Variants in LEPROTL1 observed in about 807,000 individuals in gnomAD.
LEPROTL1 encodes leptin receptor overlapping transcript like 1.
LEPROTL1 carries 6 observed loss-of-function variants against 15.4 expected under a neutral mutation model. The ratio of observed to expected loss-of-function variants is 0.39; its 90% CI spans 0.21 to 0.77. LEPROTL1 has a LOEUF of 0.77. LEPROTL1 is among the 30% of genes least tolerant of loss of function. LEPROTL1 has a pLI of 0.41. For synonymous variants in LEPROTL1, 56 were observed against 52.6 expected (o/e 1.06, Z -0.28); for missense variants, 128 against 158.1 (o/e 0.81, Z 1.02).
intron 3 of LEPROTL1, among the ~76,000 whole-genome samples, chr8:30,127,078 A>G (rs1190061507): frequency 6.6e-6 from 1 of 152,100 alleles, no homozygotes; most frequent in Non-Finnish European, 1.5e-5. Flanking sequence ...ATGCTGACAG[A>G]TGACCTGAGT....
intron 4 of LEPROTL1, among the ~76,000 whole-genome samples, chr8:30,136,583 C>T (rs1803144663): frequency 6.6e-6 from 1 of 152,190 alleles, no homozygotes; most frequent in African/African-American, 2.4e-5. Context: ...CTTGCTCTCC[C>T]AGCCCCATCA....
chr8:30,130,041 C>T (rs1161404283), intron 3 of LEPROTL1, among the ~76,000 whole-genome samples: 4 of 152,144 alleles, frequency 2.6e-5, no homozygotes. Context: ...CGCCTCCCAC[C>T]AGGCCCCTCT....
At chr8:30,120,869 C>G (rs1293880181) in intron 3 of LEPROTL1, among the ~76,000 whole-genome samples, 1 of 152,138 alleles carries the variant, frequency 6.6e-6, no homozygotes, top group African/African-American at 2.4e-5. Context: ...GGCTGAAATA[C>G]CATCTTAAAT....
chr8:30,113,412 C>G (rs1456319613), downstream of LEPROTL1, among the ~76,000 whole-genome samples: 2 of 152,096 alleles, frequency 1.3e-5, no homozygotes, highest in African/African-American at 4.8e-5. Context: ...AAACTGCAGC[C>G]TAAAATGCTG....
rs914802811 is a variant in LEPROTL1 at position 30,106,429 on chromosome 8, A to G, written c.*567A>G. ...GCTGCATTTATACCTCAGAGGGGCC[A>G]AGTGTTAATGCCCATGCCCTCCGTT... On this transcript the variant is annotated 3_prime_UTR_variant, in exon 4 of 4. Coordinates refer to ENST00000321250, the MANE Select transcript of LEPROTL1 (RefSeq NM_015344.3). 1.0e-6 allele frequency: 1 copy of G among 985,700 alleles called. No individual in the cohort carries two copies. Among genetic ancestry groups the G allele is most frequent in the Non-Finnish European group, 1.2e-6 (1 of 829,880 alleles). The allele number at this position is 985,700 out of a possible 1,614,324, so 61.1% of individuals were successfully genotyped here.
intron 3 of LEPROTL1, chr8:30,117,689 C>T (rs1022065152): frequency 1.1e-5 from 16 of 1,458,210 alleles, no homozygotes; most frequent in Non-Finnish European, 1.3e-5. Flanking sequence ...CTTTGGAGCA[C>T]GGCCTAATAA....
downstream of LEPROTL1, among the ~76,000 whole-genome samples, chr8:30,111,972 G>A (rs1039856849): frequency 2.0e-5 from 3 of 152,156 alleles, no homozygotes; most frequent in Admixed American, 1.3e-4. Flanking sequence ...TATTTTAAAG[G>A]AATAAAAGCA....
chr8:30,133,032 C>G, intron 4 of LEPROTL1: 1 of 719,976 alleles, frequency 1.4e-6, no homozygotes, highest in Non-Finnish European at 2.1e-6. Flanking sequence ...AATCTCATGG[C>G]CTGCAGGACC....
rs571944738 is a variant in LEPROTL1, at chr8:30,130,274, C to T, written c.280-2101C>T. Among the ~76,000 whole-genome samples, 5 of 152,174 alleles carry T rather than the reference C, an allele frequency of 3.3e-5. No homozygotes were observed. The South Asian group carries it at 8.3e-4, about 25-fold the overall frequency. Reference sequence around the variant, plus strand: ...GTTTGTTTTTTTTTATTTGAACAAGCATGTATTTCTTTTAGTGAGTACTGG... The same window carrying T: ...GTTTGTTTTTTTTTATTTGAACAAGTATGTATTTCTTTTAGTGAGTACTGG... On this transcript the variant is annotated intron_variant, in intron 3 of 4. Transcript: ENST00000442880.
intron 2 of LEPROTL1, among the ~76,000 whole-genome samples, chr8:30,103,597 C>T (rs544866676): frequency 6.6e-6 from 1 of 151,866 alleles, no homozygotes; most frequent in East Asian, 1.9e-4. Flanking sequence ...AAAAATTAGC[C>T]GGGCATGGTG....
chr8:30,113,146 C>T (rs1185777275), downstream of LEPROTL1, among the ~76,000 whole-genome samples: 1 of 150,044 alleles, frequency 6.7e-6, no homozygotes, highest in African/African-American at 2.5e-5. Context: ...TGTGGTGGCT[C>T]ATGACTGTAA....
rs1345718538 is a variant in LEPROTL1 at position 30,106,934 on chromosome 8, C to T, written c.*1072C>T. On this transcript the variant is annotated 3_prime_UTR_variant, in exon 4 of 4. Transcript: ENST00000321250. Reference sequence around the variant, plus strand: ...CTTACCTGGAAAATAATTGCTATGCCGTACATTCAGAGTGCCCCCTCCCCT... The same window carrying T: ...CTTACCTGGAAAATAATTGCTATGCTGTACATTCAGAGTGCCCCCTCCCCT... 18 of 985,226 alleles carry T rather than the reference C, an allele frequency of 1.8e-5. No homozygotes were observed. Among genetic ancestry groups the T allele is most frequent in the African/African-American group, 5.2e-5 (3 of 57,174 alleles). 61.0% of individuals were successfully genotyped at this position (985,226 alleles called of 1,614,324 possible). A position where few individuals can be genotyped will look rare whatever the true frequency, so the allele number is the denominator to read the frequency against.
Position 30,106,378 on chromosome 8 carries a change from T to C in LEPROTL1, c.*516T>C, listed in dbSNP as rs747334689. 1 of 986,090 alleles carries C rather than the reference T, an allele frequency of 1.0e-6. No individual in the cohort carries two copies. The highest frequency in any genetic ancestry group is 1.2e-6 in the Non-Finnish European group (1 of 830,142). 61.1% of individuals were successfully genotyped at this position (986,090 alleles called of 1,614,324 possible). On this transcript the variant is annotated 3_prime_UTR_variant, in exon 4 of 4. Transcript: ENST00000321250. ...ACATACAGACGGTTGGCATACGTTA[T>C]AGACTGTATACTCAGTGCAAATATA...
chr8:30,095,640 C>T lies in LEPROTL1; in HGVS notation c.16+112C>T, dbSNP rs538359776. On this transcript the variant is annotated intron_variant, in intron 1 of 3. Coordinates refer to ENST00000321250, the MANE Select transcript of LEPROTL1 (RefSeq NM_015344.3). ...CCGGGCTCGCGCGCGCGCGTGGGGT[C>T]CCTGCGCCGGGGAAGCGACCCCCGC... The T allele has an allele frequency of 1.7e-5, 16 of 951,616 alleles. No individual in the cohort carries two copies. The East Asian group carries it at 4.1e-4, about 24-fold the overall frequency. The allele number at this position is 951,616 out of a possible 1,614,324, so 58.9% of individuals were successfully genotyped here.
chr8:30,107,710 G>A lies in LEPROTL1; in HGVS notation c.*1848G>A, dbSNP rs1457817725. The A allele has an allele frequency of 1.0e-6, 1 of 985,176 alleles. No homozygotes were observed. The highest frequency in any genetic ancestry group is 1.2e-6 in the Non-Finnish European group (1 of 829,856). The allele number at this position is 985,176 out of a possible 1,614,324, so 61.0% of individuals were successfully genotyped here. On this transcript the variant is annotated 3_prime_UTR_variant, in exon 4 of 4. Transcript: ENST00000321250. ...GCAGGTACACATGAGTTAGAGAGCT[G>A]GTGAGACAGTTGGGAACTCTTTGTG... is the stretch of plus-strand genomic sequence containing the variant.
intron 3 of LEPROTL1, among the ~76,000 whole-genome samples, chr8:30,125,650 G>T (rs552333404): frequency 1.3e-5 from 2 of 152,266 alleles, no homozygotes; most frequent in South Asian, 4.1e-4. Flanking sequence ...TACTCTAAAA[G>T]GAATATTTTA....
intron 2 of LEPROTL1, 41 bp from the exon 3 acceptor site, chr8:30,104,259 G>T (rs372470431): frequency 1.6e-6 from 2 of 1,257,020 alleles, no homozygotes; most frequent in South Asian, 3.5e-5. Flanking sequence ...GTAGGAAAAT[G>T]ACATAGCAAA....
chr8:30,137,612 T>C, exon 5 of LEPROTL1: 2 of 818,374 alleles, frequency 2.4e-6, no homozygotes. Context: ...ATTGCAAAAT[T>C]ATAACTGAGA....
intron 4 of LEPROTL1, among the ~76,000 whole-genome samples, chr8:30,133,442 A>G (rs1563220940): frequency 2.0e-5 from 3 of 152,184 alleles, no homozygotes; most frequent in Admixed American, 6.6e-5. Flanking sequence ...TGTTTTAAAG[A>G]AAAGGTTAGA....
Sources: allele counts gnomAD v4.1 joint callset (sites outside exome capture counted in the v4.1 genomes callset), GRCh38; gene constraint gnomAD v4.1.1; transcripts MANE v1.5; gene names NCBI Gene and HGNC (gene_info 2026-07-23, HGNC 2026-07-21).